Variants in RELN observed in about 807,000 individuals in gnomAD.
RELN encodes the protein reelin.
RELN carries 108 observed loss-of-function variants against 427.6 expected under a neutral mutation model. The observed-to-expected ratio is 0.25, with a 90% CI of 0.22 to 0.30. The LOEUF (loss-of-function observed/expected upper bound fraction) is 0.30, where lower values mean the gene tolerates loss of function less well. Among genes scored for constraint, RELN ranks in the 10% least tolerant of loss-of-function variants. The pLI is 1.00. For synonymous variants in RELN, 1,524 were observed against 1,513.4 expected (o/e 1.01, Z -0.16); for missense variants, 3,715 against 4,302.8 (o/e 0.86, Z 3.82).
intron 11 of RELN, among the ~76,000 whole-genome samples, chr7:103,664,263 A>G (rs1208580924): frequency 2.0e-5 from 3 of 152,216 alleles, no homozygotes; most frequent in Non-Finnish European, 2.9e-5. Context: ...ATTATTAACA[A>G]TGCTATATAA....
intron 11 of RELN, among the ~76,000 whole-genome samples, chr7:103,673,418 C>T (rs1190685708): frequency 6.6e-6 from 1 of 152,090 alleles, no homozygotes; most frequent in Non-Finnish European, 1.5e-5. Context: ...TGTTCCCTTT[C>T]CTGTCAGCCA....
Position 103,651,759 on chromosome 7 carries a change from C to A in RELN, c.1794G>T (p.Gly598=). ...SVSLEFSTNH[G]RSWSLLHTEC... ...CAGTGTGAAGGAGGGACCAGGAGCG[C>A]CCATGGTTGGTAGAAAATTCCAAGC... is the stretch of plus-strand genomic sequence containing the variant. Residue 598 remains glycine (G), a synonymous_variant, in exon 15 of 65, where the codon GGG becomes GGT. Transcript: ENST00000428762. 1.2e-6 allele frequency: 2 copies of A among 1,611,724 alleles called. No homozygotes were observed. Among genetic ancestry groups the A allele is most frequent in the Non-Finnish European group, 1.7e-6 (2 of 1,178,654 alleles).
In RELN at chr7:103,930,788, T is replaced by C. The variant is rs568243856; in HGVS notation, c.227-13603A>G. ...CAGCCCCATAACACATCTCTATTCA[T>C]TGCTTTTCTTCATGCTTCATTTCCT... On this transcript the variant is annotated intron_variant, in intron 1 of 64. Transcript: ENST00000428762. Among the ~76,000 whole-genome samples the C allele has an allele frequency of 3.9e-5, 6 of 152,172 alleles. 1 individual carries two copies. The highest frequency in any genetic ancestry group is 1.4e-4 in the African/African-American group (6 of 41,528).
At chr7:103,506,293 T>A (rs971071246) in intron 51 of RELN, among the ~76,000 whole-genome samples, 4 of 152,064 alleles carry the variant, frequency 2.6e-5, no homozygotes, top group African/African-American at 9.7e-5. Flanking sequence ...GGAAAAAATG[T>A]TAAGGGCAGC....
chr7:103,862,730 A>G (rs994238092), intron 2 of RELN, among the ~76,000 whole-genome samples: 3 of 152,176 alleles, frequency 2.0e-5, no homozygotes, highest in African/African-American at 7.2e-5. Flanking sequence ...TTGAAACAGA[A>G]AGCTGAGAAA....
rs534594130 is a variant in RELN at position 103,754,137 on chromosome 7, A to G, written c.545-923T>C. Among the ~76,000 whole-genome samples, 31 of 152,238 alleles carry G rather than the reference A, an allele frequency of 2.0e-4. 1 individual carries two copies. The East Asian group carries it at 4.4e-3, about 22-fold the overall frequency. ...GGCCAAATATTTCTTAAGATGTGCT[A>G]TAAGTGTAAAGTACATACTAGATTT... On this transcript the variant is annotated intron_variant, in intron 4 of 64. Coordinates refer to ENST00000428762, the MANE Select transcript of RELN (RefSeq NM_005045.4).
intron 8 of RELN, among the ~76,000 whole-genome samples, chr7:103,720,037 T>C (rs1790036863): frequency 6.6e-6 from 1 of 152,048 alleles, no homozygotes; most frequent in Non-Finnish European, 1.5e-5. Flanking sequence ...TATATATGTA[T>C]GTGTGTGTAT....
intron 1 of RELN, among the ~76,000 whole-genome samples, chr7:103,926,008 A>C (rs1427508915): frequency 6.6e-6 from 1 of 152,016 alleles, no homozygotes; most frequent in Admixed American, 6.6e-5. Flanking sequence ...AAGCTAACTA[A>C]AGAAAATTTG....
chr7:103,665,104 A>T (rs1833230972), intron 11 of RELN, among the ~76,000 whole-genome samples: 1 of 152,098 alleles, frequency 6.6e-6, no homozygotes, highest in African/African-American at 2.4e-5. Flanking sequence ...TGAACCTGAA[A>T]TTGATTTGAG....
In RELN at chr7:103,917,100, A is replaced by C; in HGVS notation, c.312T>G (p.Ile104Met). 6.2e-7 allele frequency: 1 copy of C among 1,613,734 alleles called. No homozygotes were observed. The change falls in exon 2 of 65, where the codon ATT becomes ATG. Residue 104 changes from isoleucine (I) to methionine (M), a missense_variant. Ile to Met is a conservative substitution (Grantham distance 10). Around this residue, in one of 4 missense-constraint regions of RELN, gnomAD observed 2,208 missense variants for 2,361.7 expected, o/e 0.93. Transcript: ENST00000428762. ...TSTSVQASQS[I>M]GGSSAFGFGI... Reference sequence around the variant, plus strand: ...CAAATCCGAAAGCACTGGAACCTCCAATGCTCTGTGATGCCTGAACACTTG... The same window carrying C: ...CAAATCCGAAAGCACTGGAACCTCCCATGCTCTGTGATGCCTGAACACTTG...
chr7:103,538,940 TAC>T, intron 45 of RELN, 136 bp downstream of exon 45: 2 of 908,600 alleles, frequency 2.2e-6, no homozygotes, highest in Non-Finnish European at 1.7e-6. Flanking sequence ...TTTTCAAGAG[TAC>T]AGTGTGGTTT....
chr7:103,792,216 T>C (rs1259692553), intron 3 of RELN, among the ~76,000 whole-genome samples: 1 of 152,156 alleles, frequency 6.6e-6, no homozygotes, highest in Non-Finnish European at 1.5e-5. Context: ...CTTGCAGTTG[T>C]ATACACAAGA....
In RELN at chr7:103,620,512, G is replaced by C. The variant is rs909261128; in HGVS notation, c.2703-8709C>G. Among the ~76,000 whole-genome samples the C allele has an allele frequency of 6.2e-5, 9 of 146,116 alleles. No individual in the cohort carries two copies. The East Asian group carries it at 1.0e-3, about 16-fold the overall frequency. On this transcript the variant is annotated intron_variant, in intron 20 of 64. Coordinates refer to ENST00000428762, the MANE Select transcript of RELN (RefSeq NM_005045.4). The surrounding 1 kb of genome is among the most constrained non-coding windows in gnomAD (Gnocchi z 4.1). The stretch of plus-strand genomic sequence containing the variant: ...TTTTTGAGATAGAGTCTCGTCTGTC[G>C]CCCAGGCTGGAGTAACAGTGGCACG...
intron 51 of RELN, among the ~76,000 whole-genome samples, chr7:103,510,190 G>A (rs1055295558): frequency 2.0e-5 from 3 of 152,134 alleles, no homozygotes; most frequent in African/African-American, 7.2e-5. Flanking sequence ...ACATGCACAC[G>A]TATGTTTACT....
chr7:103,618,197 G>C (rs896604903), intron 20 of RELN, among the ~76,000 whole-genome samples: 8 of 152,216 alleles, frequency 5.3e-5, no homozygotes, highest in African/African-American at 1.9e-4. Flanking sequence ...TCAAGGACTA[G>C]AGCAGAAAAT....
At chr7:103,739,815 A>G (rs143070281) in intron 6 of RELN, among the ~76,000 whole-genome samples, 11 of 152,324 alleles carry the variant, frequency 7.2e-5, no homozygotes, top group Non-Finnish European at 1.6e-4. Context: ...TGCTCTGCAT[A>G]TGAAGGAGGC....
intron 28 of RELN, among the ~76,000 whole-genome samples, chr7:103,579,246 A>G (rs1422865127): frequency 6.6e-6 from 1 of 152,196 alleles, no homozygotes; most frequent in African/African-American, 2.4e-5. Context: ...AAGGTATAGA[A>G]ATAATTTAGA....
rs756172687 is a variant in RELN at position 103,575,533 on chromosome 7, T to C, written c.4303+15A>G. On this transcript the variant is annotated intron_variant, in intron 29 of 64. Coordinates refer to ENST00000428762, the MANE Select transcript of RELN (RefSeq NM_005045.4). ...TTTTACAATAAAACCCTCAGACACA[T>C]GTATTTAGCCTTACCAGTATATCCC... 8 of 1,612,802 alleles carry C rather than the reference T, an allele frequency of 5.0e-6. No individual in the cohort carries two copies. Among genetic ancestry groups the C allele is most frequent in the South Asian group, 3.3e-5 (3 of 91,050 alleles).
intron 2 of RELN, among the ~76,000 whole-genome samples, chr7:103,885,003 T>C (rs1440888399): frequency 6.6e-6 from 1 of 152,120 alleles, no homozygotes. Flanking sequence ...GCAGCATTGT[T>C]CACAATAGCA....
Sources: gnomAD v4.1 joint callset for allele counts (sites outside exome capture counted in the v4.1 genomes callset) on GRCh38, gnomAD v4.1.1 for gene constraint, gnomAD v4.1.1 regional missense constraint, Gnocchi (gnomAD v3.1) non-coding constraint, MANE v1.5 for transcripts, NCBI Gene and HGNC (gene_info 2026-07-23, HGNC 2026-07-21) for gene names.